MTERF4: variants seen among roughly 807,000 people sequenced by gnomAD.
The protein encoded by MTERF4 is transcription termination factor 4, mitochondrial.
MTERF4 carries 17 observed loss-of-function variants against 22.5 expected under a neutral mutation model. The observed-to-expected ratio is 0.75, with a 90% CI of 0.52 to 1.13. The LOEUF is 1.13. Ranked by LOEUF, MTERF4 falls within the 50% of genes most tolerant of loss-of-function variation. The probability of loss-of-function intolerance (pLI) is 0.00; values close to 1 mark genes in which losing one functional copy is unlikely to be tolerated. For synonymous variants in MTERF4, 165 were observed against 175.3 expected (o/e 0.94, Z 0.47); for missense variants, 420 against 466.8 (o/e 0.90, Z 0.92).
downstream of MTERF4, among the ~76,000 whole-genome samples, chr2:241,083,207 G>A (rs927033698): frequency 1.3e-5 from 2 of 152,194 alleles, no homozygotes; most frequent in Non-Finnish European, 2.9e-5. Flanking sequence ...TGGGGAGGGC[G>A]ATGCTGAACA....
At chr2:241,067,704 C>T, downstream of MTERF4, 4 of 1,465,672 alleles carry the variant, frequency 2.7e-6, no homozygotes, top group Non-Finnish European at 3.7e-6. Flanking sequence ...ATCTTGAGCC[C>T]CTGCACTCCC....
downstream of MTERF4, among the ~76,000 whole-genome samples, chr2:241,090,957 G>A (rs549738574): frequency 3.3e-5 from 5 of 152,076 alleles, no homozygotes; most frequent in East Asian, 1.9e-4. Flanking sequence ...TCATGCGCGC[G>A]GTCCTTCATC....
At chr2:241,094,058 C>A (rs1465400006), downstream of MTERF4, 2 of 328,230 alleles carry the variant, frequency 6.1e-6, no homozygotes, top group East Asian at 8.4e-5. This position sits in a 1 kb window ranked among gnomAD's most constrained non-coding sequence, Gnocchi z 4.3. Context: ...TGGCAGTGAC[C>A]GGGATGCCAC....
At chr2:241,065,543 C>G in the MTERF4 span, 12 of 1,612,788 alleles carry the variant, frequency 7.4e-6, no homozygotes, top group Non-Finnish European at 9.3e-6. Context: ...TGAAGCGAAA[C>G]AGTAACAACA....
At chr2:241,053,213 G>A in the MTERF4 span, 31 of 1,609,516 alleles carry the variant, frequency 1.9e-5, no homozygotes, top group Middle Eastern at 1.7e-4. Context: ...AACGGCACGC[G>A]GCTGGGCGCG....
At chr2:241,080,273 G>A (rs536261443) in intron 4 of MTERF4, among the ~76,000 whole-genome samples, 1 of 152,274 alleles carries the variant, frequency 6.6e-6, no homozygotes, top group African/African-American at 2.4e-5. Context: ...AACAGAGCAA[G>A]ACTCCATCTC....
At chr2:241,099,922 T>C in intron 1 of MTERF4, 28 bp from the exon 2 acceptor site, 2 of 1,601,396 alleles carry the variant, frequency 1.2e-6, no homozygotes, top group Non-Finnish European at 1.7e-6. Flanking sequence ...AAAAGACAAT[T>C]AATTCCTCAC....
downstream of MTERF4, chr2:241,088,900 G>A (rs2063729564): frequency 5.0e-6 from 1 of 201,824 alleles, no homozygotes; most frequent in Admixed American, 5.7e-5. Flanking sequence ...TGGGGCAGGG[G>A]CCTTGATCGC....
At chr2:241,080,171 C>G (rs1169060508) in intron 4 of MTERF4, among the ~76,000 whole-genome samples, 1 of 152,062 alleles carries the variant, frequency 6.6e-6, no homozygotes, top group Admixed American at 6.5e-5. Context: ...GTAGTACCAG[C>G]TACTCGGGAG....
chr2:241,071,473 T>C, downstream of MTERF4: 1 of 1,381,328 alleles, frequency 7.2e-7, no homozygotes, highest in Non-Finnish European at 9.9e-7. Flanking sequence ...CCTTCCCTTC[T>C]CCAAGCACGG....
At chr2:241,063,303 C>G in the MTERF4 span, 1 of 516,810 alleles carries the variant, frequency 1.9e-6, no homozygotes, top group Non-Finnish European at 3.5e-6. Flanking sequence ...GGGCAAGGCC[C>G]AGGGAGCCGT....
chr2:241,071,503 C>T (rs2062714760), downstream of MTERF4: 4 of 1,503,628 alleles, frequency 2.7e-6, no homozygotes, highest in Admixed American at 3.9e-5. Context: ...AGGGGCACCA[C>T]CCATGCCACA....
At chr2:241,066,201 G>A in the MTERF4 span, among the ~76,000 whole-genome samples, 1 of 152,170 alleles carries the variant, frequency 6.6e-6, no homozygotes, top group Non-Finnish European at 1.5e-5. Flanking sequence ...CTCAGAGCCT[G>A]AGCCACCAAG....
downstream of MTERF4, chr2:241,091,542 C>T (rs1427083139): frequency 7.8e-6 from 1 of 128,436 alleles, no homozygotes; most frequent in East Asian, 2.6e-4. The surrounding 1 kb of genome is among the most constrained non-coding windows in gnomAD (Gnocchi z 4.1). Context: ...GACAGAGGCC[C>T]TGAGGGCCAC....
the MTERF4 span, chr2:241,064,213 C>T: frequency 3.3e-6 from 3 of 898,432 alleles, no homozygotes; most frequent in Admixed American, 2.6e-5. The surrounding 1 kb of genome is among the most constrained non-coding windows in gnomAD (Gnocchi z 7.0). Flanking sequence ...TGCCCGCCTG[C>T]TCCCCGCCCT....
chr2:241,052,101 T>C, the MTERF4 span: 1 of 1,613,804 alleles, frequency 6.2e-7, no homozygotes, highest in Non-Finnish European at 8.5e-7. Flanking sequence ...TTCCACTACA[T>C]TGGCAAATAC....
intron 1 of MTERF4, among the ~76,000 whole-genome samples, chr2:241,101,651 G>T (rs1380092274): frequency 6.6e-6 from 1 of 152,388 alleles, no homozygotes; most frequent in East Asian, 1.9e-4. Flanking sequence ...GGGTCAGCGG[G>T]CGCGGCCCGT....
chr2:241,072,791 T>C (rs1273182652), exon 5 of MTERF4: 19 of 189,540 alleles, frequency 1.0e-4, no homozygotes, highest in Admixed American at 6.9e-4. Context: ...GGATATGAAG[T>C]GCCCGAGGGT....
the MTERF4 span, chr2:241,062,983 A>G: frequency 1.1e-6 from 1 of 932,436 alleles, no homozygotes; most frequent in Non-Finnish European, 1.6e-6. Flanking sequence ...TCCCCCGGAC[A>G]GGTCTCTGTC....
Sources: allele counts gnomAD v4.1 joint callset (sites outside exome capture counted in the v4.1 genomes callset), GRCh38; gene constraint gnomAD v4.1.1; non-coding constraint Gnocchi (gnomAD v3.1); transcripts MANE v1.5; gene names NCBI Gene and HGNC (gene_info 2026-07-23, HGNC 2026-07-21).